TGS1: variants seen among roughly 807,000 people sequenced by gnomAD.
TGS1 encodes the protein trimethylguanosine synthase 1, also known as trimethylguanosine synthase.
In TGS1, 69 loss-of-function variants were observed where a neutral mutation model predicts 92.2. That is an observed-to-expected ratio of 0.75 (90% CI 0.62 to 0.91). The LOEUF is 0.91. Ranked by LOEUF, TGS1 falls within the 40% of genes least tolerant of loss-of-function variation. The pLI, the probability that TGS1 is intolerant of heterozygous loss-of-function variation, is 0.00. For synonymous variants in TGS1, 345 were observed against 338.1 expected (o/e 1.02, Z -0.22); for missense variants, 1,062 against 1,001.2 (o/e 1.06, Z -0.82).
intron 1 of TGS1, among the ~76,000 whole-genome samples, chr8:55,779,222 G>T (rs1811486227): frequency 6.6e-6 from 1 of 152,158 alleles, no homozygotes; most frequent in Non-Finnish European, 1.5e-5. Context: ...CAAATGCCAG[G>T]CATTAGAAAT....
At chr8:55,776,387 TCTC>T (rs1332579855) in intron 1 of TGS1, among the ~76,000 whole-genome samples, 2 of 151,040 alleles carry the variant, frequency 1.3e-5, no homozygotes, top group Non-Finnish European at 3.0e-5. Context: ...TTCACGCCAT[TCTC>T]CTGCCTCAGC....
chr8:55,810,429 G>T (rs537046756), intron 10 of TGS1, among the ~76,000 whole-genome samples: 8 of 152,246 alleles, frequency 5.3e-5, no homozygotes, highest in Non-Finnish European at 1.0e-4. Flanking sequence ...TTTTATTTTG[G>T]TTTTCCTTAG....
At chr8:55,782,672 G>T (rs763012314) in intron 1 of TGS1, 76 bp from the exon 2 acceptor site, 4 of 1,118,798 alleles carry the variant, frequency 3.6e-6, no homozygotes, top group Non-Finnish European at 3.9e-6. Flanking sequence ...ATTAATCTAT[G>T]ATGGCTCGAG....
intron 6 of TGS1, among the ~76,000 whole-genome samples, chr8:55,793,561 TTTTG>T (rs1205356907): frequency 2.6e-5 from 4 of 151,996 alleles, no homozygotes; most frequent in African/African-American, 4.8e-5. Context: ...TACACACATT[TTTTG>T]TTTGTTTTGT....
chr8:55,819,175 A>G (rs1423674445), intron 12 of TGS1, among the ~76,000 whole-genome samples: 1 of 152,030 alleles, frequency 6.6e-6, no homozygotes, highest in Admixed American at 6.6e-5. Flanking sequence ...GGCTAAAGCA[A>G]TCTTTCTACT....
chr8:55,778,318 C>T (rs1005595726), intron 1 of TGS1, among the ~76,000 whole-genome samples: 2 of 152,104 alleles, frequency 1.3e-5, no homozygotes, highest in African/African-American at 4.8e-5. Context: ...AGAATTCTAC[C>T]GCACATCTGT....
intron 10 of TGS1, among the ~76,000 whole-genome samples, chr8:55,806,835 GGA>G (rs1476280521): frequency 1.3e-5 from 2 of 152,070 alleles, no homozygotes; most frequent in Non-Finnish European, 2.9e-5. Context: ...TACCAAAACA[GGA>G]GAGTATTGAA....
chr8:55,803,125 G>A (rs541685202), intron 9 of TGS1, among the ~76,000 whole-genome samples: 2 of 109,686 alleles, frequency 1.8e-5, no homozygotes, highest in Admixed American at 1.7e-4. Flanking sequence ...CCTTCAATTT[G>A]GGGGGGTGTG....
At chr8:55,776,166 G>A (rs1463862225) in intron 1 of TGS1, among the ~76,000 whole-genome samples, 5 of 152,028 alleles carry the variant, frequency 3.3e-5, no homozygotes, top group African/African-American at 7.2e-5. Flanking sequence ...ACTCTAAGGG[G>A]GTCTGCATGA....
chr8:55,805,932 T>G (rs1192295331), intron 10 of TGS1, among the ~76,000 whole-genome samples: 1 of 148,198 alleles, frequency 6.7e-6, no homozygotes, highest in Non-Finnish European at 1.5e-5. Context: ...CGTGGTGGTG[T>G]GTGCCTATAG....
intron 10 of TGS1, among the ~76,000 whole-genome samples, chr8:55,808,325 A>G (rs1414010568): frequency 6.6e-6 from 1 of 152,156 alleles, no homozygotes; most frequent in Non-Finnish European, 1.5e-5. Flanking sequence ...GCTAAAATCA[A>G]TATTTATTGC....
intron 1 of TGS1, among the ~76,000 whole-genome samples, chr8:55,775,976 A>T (rs372615274): frequency 6.6e-6 from 1 of 152,208 alleles, no homozygotes; most frequent in African/African-American, 2.4e-5. Flanking sequence ...AAAAGTATCC[A>T]CTAGAATTGA....
intron 4 of TGS1, among the ~76,000 whole-genome samples, chr8:55,789,500 A>G (rs12546898): frequency 0.16 from 23,730 of 152,116 alleles, 2,198 homozygotes; most frequent in African/African-American, 0.26. Flanking sequence ...GTTAATTTGT[A>G]TAGATTTGGG....
At chr8:55,811,924 A>G (rs1399911453) in intron 11 of TGS1, among the ~76,000 whole-genome samples, 4 of 152,192 alleles carry the variant, frequency 2.6e-5, no homozygotes, top group African/African-American at 7.2e-5. Context: ...GTTGCTTGCT[A>G]TTCAATTTTA....
chr8:55,811,339 T>A (rs1195902190), intron 11 of TGS1, among the ~76,000 whole-genome samples: 3 of 151,930 alleles, frequency 2.0e-5, no homozygotes, highest in African/African-American at 7.3e-5. Context: ...GGCACATGCC[T>A]GTAATCCAGC....
intron 6 of TGS1, among the ~76,000 whole-genome samples, chr8:55,793,774 A>ATTTT (rs969491472): frequency 2.2e-5 from 3 of 134,748 alleles, no homozygotes; most frequent in Non-Finnish European, 3.2e-5. Flanking sequence ...TTATTTATTT[A>ATTTT]TTTTTTAATT....
At position 55,799,039 on chromosome 8, in the gene TGS1, TA is replaced by T. The variant is rs777247343; in HGVS notation, c.1674del (p.Gly559ValfsTer35). The T allele has an allele frequency of 6.2e-7, 1 of 1,614,146 alleles. No homozygotes were observed. Among genetic ancestry groups the T allele is most frequent in the Non-Finnish European group, 8.5e-7 (1 of 1,180,034 alleles). ...ATTCAGAGGAACAAGACATGTCTGTTAAAAAAGGTGATGACCTACTGGAGAC... is the reference window on the plus strand; with the variant it reads ...ATTCAGAGGAACAAGACATGTCTGTTAAAAAGGTGATGACCTACTGGAGAC... ...SDSEEQDMSVKKGDDLLETNN... is the reference protein window; with the variant it reads ...SDSEEQDMSVXKGDDLLETNN... On this transcript the variant is annotated frameshift_variant, in exon 8 of 13. Coordinates refer to ENST00000260129, the MANE Select transcript of TGS1 (RefSeq NM_024831.8). LOFTEE classifies it high-confidence loss of function.
intron 11 of TGS1, among the ~76,000 whole-genome samples, chr8:55,812,213 A>T (rs1182754990): frequency 6.6e-6 from 1 of 152,044 alleles, no homozygotes; most frequent in Non-Finnish European, 1.5e-5. Context: ...CAGGAAAGAT[A>T]TTTCTAAATT....
intron 11 of TGS1, 148 bp downstream of exon 11, chr8:55,811,245 C>A: frequency 1.5e-6 from 1 of 669,480 alleles, no homozygotes; most frequent in Non-Finnish European, 2.5e-6. Context: ...GGTGGATCAC[C>A]TGAGGTCAGG....
Sources: allele counts gnomAD v4.1 joint callset (sites outside exome capture counted in the v4.1 genomes callset), GRCh38; gene constraint gnomAD v4.1.1; transcripts MANE v1.5; gene names NCBI Gene and HGNC (gene_info 2026-07-23, HGNC 2026-07-21).